LARGE1: variants seen among roughly 807,000 people sequenced by gnomAD.
The protein encoded by LARGE1 is xylosyl- and glucuronyltransferase LARGE1.
LARGE1 carries 43 observed loss-of-function variants against 87.6 expected under a neutral mutation model. The ratio of observed to expected loss-of-function variants is 0.49; its 90% CI spans 0.38 to 0.63. LARGE1 has a LOEUF of 0.63. Among genes scored for constraint, LARGE1 ranks in the 30% least tolerant of loss-of-function variants. The pLI is 0.00. For missense variants in LARGE1, 802 were observed against 1,000.2 expected, an observed-to-expected ratio of 0.80 and a Z score of 2.67; for synonymous variants, 434 against 394.6, an observed-to-expected ratio of 1.10 and a Z score of -1.18.
At chr22:33,818,072 T>C (rs1442811336) in intron 1 of LARGE1, among the ~76,000 whole-genome samples, 1 of 152,154 alleles carries the variant, frequency 6.6e-6, no homozygotes, top group Non-Finnish European at 1.5e-5. Context: ...GGTTCTATGC[T>C]TTAGTTTCTC....
At chr22:33,875,357 T>C (rs2064430806) in intron 1 of LARGE1, among the ~76,000 whole-genome samples, 1 of 152,204 alleles carries the variant, frequency 6.6e-6, no homozygotes, top group African/African-American at 2.4e-5. Context: ...CCCAGAATTG[T>C]TGGCAAATCT....
chr22:33,242,209 T>C (rs1455070789), intron 11 of LARGE1, among the ~76,000 whole-genome samples: 2 of 152,176 alleles, frequency 1.3e-5, no homozygotes, highest in African/African-American at 4.8e-5. Flanking sequence ...TAGAATACTC[T>C]TAGCAGGTGG....
chr22:33,711,005 A>G (rs1165575894), intron 2 of LARGE1, among the ~76,000 whole-genome samples: 1 of 152,156 alleles, frequency 6.6e-6, no homozygotes, highest in Non-Finnish European at 1.5e-5. Flanking sequence ...TTCGCTCATC[A>G]TTTATTGTGC....
chr22:33,263,598 G>C (rs1483746714), intron 11 of LARGE1, among the ~76,000 whole-genome samples: 1 of 152,226 alleles, frequency 6.6e-6, no homozygotes, highest in East Asian at 1.9e-4. Flanking sequence ...TCAAGGCCCA[G>C]AGGAGAACCA....
At chr22:33,172,808 A>G (rs1350391593) in intron 11 of LARGE1, among the ~76,000 whole-genome samples, 3 of 152,150 alleles carry the variant, frequency 2.0e-5, no homozygotes, top group East Asian at 3.9e-4. Context: ...AAGATTAGAG[A>G]AAAAAGAGTA....
At chr22:33,367,041 G>C (rs2064621883) in intron 9 of LARGE1, among the ~76,000 whole-genome samples, 1 of 151,942 alleles carries the variant, frequency 6.6e-6, no homozygotes, top group Non-Finnish European at 1.5e-5. Context: ...AATCGGTTTT[G>C]GTAAGTAACA....
chr22:33,693,836 A>G (rs1210589842), intron 2 of LARGE1, among the ~76,000 whole-genome samples: 1 of 150,114 alleles, frequency 6.7e-6, no homozygotes, highest in Non-Finnish European at 1.5e-5. Flanking sequence ...TTAAAAAAAG[A>G]AAAAAAAAAG....
chr22:33,859,407 C>T (rs1270352050), intron 1 of LARGE1, among the ~76,000 whole-genome samples: 1 of 152,164 alleles, frequency 6.6e-6, no homozygotes, highest in Non-Finnish European at 1.5e-5. Flanking sequence ...AAAAAGCCTT[C>T]ACCTTACATT....
intron 10 of LARGE1, among the ~76,000 whole-genome samples, chr22:33,331,548 C>T (rs936418309): frequency 1.3e-5 from 2 of 152,000 alleles, no homozygotes; most frequent in Admixed American, 1.3e-4. Context: ...CCTGGGATTA[C>T]AGACATGTGC....
At chr22:33,392,834 C>T (rs534322220) in intron 7 of LARGE1, among the ~76,000 whole-genome samples, 1 of 152,310 alleles carries the variant, frequency 6.6e-6, no homozygotes, top group Non-Finnish European at 1.5e-5. Flanking sequence ...TTGTAATCCA[C>T]TGATTATTCA....
At chr22:33,360,538 C>T (rs2064349262) in intron 9 of LARGE1, among the ~76,000 whole-genome samples, 3 of 149,010 alleles carry the variant, frequency 2.0e-5, no homozygotes, top group African/African-American at 4.9e-5. Flanking sequence ...TTTAAACAAT[C>T]GGATCTTGTG....
intron 7 of LARGE1, among the ~76,000 whole-genome samples, chr22:33,429,434 G>T (rs1250926315): frequency 6.6e-6 from 1 of 152,158 alleles, no homozygotes; most frequent in Non-Finnish European, 1.5e-5. Flanking sequence ...GGGAACTGGA[G>T]GTGGTTTACG....
chr22:33,284,600 T>C (rs968294532), intron 12 of LARGE1, among the ~76,000 whole-genome samples: 1 of 151,612 alleles, frequency 6.6e-6, no homozygotes, highest in Non-Finnish European at 1.5e-5. Flanking sequence ...TTTTTGGAGA[T>C]GGAGTCTTGC....
chr22:33,069,802 A>G, the LARGE1 span, among the ~76,000 whole-genome samples: 324 of 149,762 alleles, frequency 2.2e-3, 3 homozygotes, highest in African/African-American at 7.7e-3. Context: ...TGCAACTATG[A>G]CTGTTATTAC....
chr22:33,607,641 G>C (rs963003856), intron 4 of LARGE1, among the ~76,000 whole-genome samples: 5 of 152,062 alleles, frequency 3.3e-5, no homozygotes. Flanking sequence ...CAATGAGAAA[G>C]GCACCTTGGA....
chr22:33,569,636 A>T (rs779230161), intron 5 of LARGE1, among the ~76,000 whole-genome samples: 2 of 151,902 alleles, frequency 1.3e-5, no homozygotes, highest in Non-Finnish European at 1.5e-5. Context: ...GATATCTAGC[A>T]CTCTTCCCCC....
chr22:33,214,415 A>C (rs1420356302), intron 11 of LARGE1, among the ~76,000 whole-genome samples: 1 of 151,620 alleles, frequency 6.6e-6, no homozygotes. Context: ...CAACATACAA[A>C]TTTGGGGGGC....
At chr22:33,885,223 C>CT (rs2064812127) in intron 1 of LARGE1, among the ~76,000 whole-genome samples, 1 of 151,162 alleles carries the variant, frequency 6.6e-6, no homozygotes, top group African/African-American at 2.4e-5. Context: ...GCTTCCTATA[C>CT]CAGTGACTCT....
rs530144455 is a variant in LARGE1 at position 33,354,395 on chromosome 22, T to C, written c.1132-16594A>G. On this transcript the variant is annotated intron_variant, in intron 9 of 14. Coordinates refer to ENST00000397394, the MANE Select transcript of LARGE1 (RefSeq NM_133642.5). ...TCTTCACTTAAGGTTGATAAGTTCT[T>C]GGAGGCTGCAACTTCAAGTGAAATT... 8.5e-5 allele frequency among the ~76,000 whole-genome samples: 13 copies of C among 152,322 alleles called. No individual in the cohort carries two copies. The East Asian group carries it at 2.5e-3, about 29-fold the overall frequency.
Sources: allele counts gnomAD v4.1 joint callset (sites outside exome capture counted in the v4.1 genomes callset), GRCh38; gene constraint gnomAD v4.1.1; transcripts MANE v1.5; gene names NCBI Gene and HGNC (gene_info 2026-07-23, HGNC 2026-07-21).